The following QTMAN variants were observed in gnomAD, a reference collection of about 807,000 sequenced individuals.
QTMAN encodes the protein queuosine-tRNA mannosyltransferase, also known as tRNA-queuosine alpha-mannosyltransferase.
chr2:143,938,169 T>C, the QTMAN span: 1 of 152,208 alleles, frequency 6.6e-6, no homozygotes, highest in Non-Finnish European at 1.5e-5. Context: ...GGAACATAGC[T>C]GCAAGCACCA....
At chr2:144,254,232 G>A in the QTMAN span, among the ~76,000 whole-genome samples, 5 of 152,272 alleles carry the variant, frequency 3.3e-5, no homozygotes, top group South Asian at 1.0e-3. Context: ...GACCAGCCTG[G>A]CCAAAGTGGT....
At chr2:144,221,231 C>T in the QTMAN span, among the ~76,000 whole-genome samples, 1 of 152,132 alleles carries the variant, frequency 6.6e-6, no homozygotes, top group African/African-American at 2.4e-5. Context: ...ATACAAAAAG[C>T]TTGAAAACTA....
chr2:144,031,535 T>C, the QTMAN span, among the ~76,000 whole-genome samples: 1 of 151,360 alleles, frequency 6.6e-6, no homozygotes, highest in Non-Finnish European at 1.5e-5. Context: ...GGGAGAAAAA[T>C]ACTCAGATAC....
the QTMAN span, among the ~76,000 whole-genome samples, chr2:144,173,545 G>A: frequency 0.1 from 15,925 of 152,164 alleles, 1,905 homozygotes; most frequent in African/African-American, 0.29. Flanking sequence ...AACCGTGTGA[G>A]CTTGACAGCA....
the QTMAN span, among the ~76,000 whole-genome samples, chr2:144,073,734 C>T: frequency 2.0e-5 from 3 of 152,170 alleles, 1 homozygote; most frequent in Non-Finnish European, 4.4e-5. Flanking sequence ...AGTTAACATA[C>T]AAAAAAGACT....
the QTMAN span, among the ~76,000 whole-genome samples, chr2:143,988,546 A>C: frequency 6.6e-6 from 1 of 152,224 alleles, no homozygotes; most frequent in Admixed American, 6.5e-5. Flanking sequence ...CTGCTCTAAG[A>C]CCAGTGGTTA....
At chr2:143,938,571 G>A in the QTMAN span, 8 of 152,134 alleles carry the variant, frequency 5.3e-5, no homozygotes, top group African/African-American at 1.4e-4. Flanking sequence ...TGAAGCATCA[G>A]GTCGAAGGTG....
chr2:144,133,504 T>C, the QTMAN span, among the ~76,000 whole-genome samples: 1 of 83,398 alleles, frequency 1.2e-5, no homozygotes, highest in Non-Finnish European at 2.2e-5. Context: ...TTATATAATA[T>C]ATATACATAA....
At chr2:143,983,327 T>A in the QTMAN span, among the ~76,000 whole-genome samples, 1 of 152,338 alleles carries the variant, frequency 6.6e-6, no homozygotes, top group Non-Finnish European at 1.5e-5. Context: ...ATCATAATTG[T>A]TATTTTATTC....
At chr2:144,222,802 T>C in the QTMAN span, among the ~76,000 whole-genome samples, 57 of 152,182 alleles carry the variant, frequency 3.7e-4, no homozygotes, top group South Asian at 1.7e-3. Context: ...AGCGAGACTC[T>C]GTCACAGAAA....
At chr2:143,957,823 T>G in the QTMAN span, among the ~76,000 whole-genome samples, 4 of 152,138 alleles carry the variant, frequency 2.6e-5, no homozygotes, top group Non-Finnish European at 5.9e-5. Flanking sequence ...CCATGAATGA[T>G]GCTCACTCCA....
At chr2:144,314,169 A>C in the QTMAN span, among the ~76,000 whole-genome samples, 1 of 152,216 alleles carries the variant, frequency 6.6e-6, no homozygotes, top group Non-Finnish European at 1.5e-5. Context: ...TAACTGAAGA[A>C]TGGTAAACAA....
chr2:144,238,101 C>T, the QTMAN span, among the ~76,000 whole-genome samples: 684 of 152,326 alleles, frequency 4.5e-3, 6 homozygotes, highest in Middle Eastern at 0.024. Context: ...CCCTTTCTAG[C>T]ATGCACTCTA....
At chr2:144,269,868 G>A in the QTMAN span, among the ~76,000 whole-genome samples, 227 of 150,052 alleles carry the variant, frequency 1.5e-3, no homozygotes, top group Middle Eastern at 3.4e-3. Flanking sequence ...TTCCAAAACC[G>A]TTATAATCAT....
chr2:144,270,420 G>A, the QTMAN span, among the ~76,000 whole-genome samples: 1 of 152,110 alleles, frequency 6.6e-6, no homozygotes, highest in Non-Finnish European at 1.5e-5. Flanking sequence ...GCCCATCAAT[G>A]ATAGACTGGA....
the QTMAN span, among the ~76,000 whole-genome samples, chr2:144,136,638 T>C: frequency 7.2e-5 from 11 of 151,994 alleles, no homozygotes; most frequent in Non-Finnish European, 1.0e-4. Context: ...AGTATGAAAA[T>C]ATTGGCTTCC....
chr2:144,273,646 T>A, the QTMAN span, among the ~76,000 whole-genome samples: 1 of 152,144 alleles, frequency 6.6e-6, no homozygotes, highest in Non-Finnish European at 1.5e-5. Flanking sequence ...TGCTGAAACA[T>A]AATAGTTGTG....
the QTMAN span, among the ~76,000 whole-genome samples, chr2:144,166,115 T>G: frequency 6.6e-6 from 1 of 152,290 alleles, no homozygotes; most frequent in African/African-American, 2.4e-5. Context: ...CTGCCTCATC[T>G]ATTTCACAAT....
At chr2:144,219,927 T>C in the QTMAN span, among the ~76,000 whole-genome samples, 2 of 152,248 alleles carry the variant, frequency 1.3e-5, no homozygotes, top group African/African-American at 4.8e-5. Context: ...GTATTCAAAG[T>C]ATTCAGTAAA....
Sources: allele counts gnomAD v4.1 joint callset (sites outside exome capture counted in the v4.1 genomes callset), GRCh38; gene constraint gnomAD v4.1.1; transcripts MANE v1.5; gene names NCBI Gene and HGNC (gene_info 2026-07-23, HGNC 2026-07-21).